Variants in CFAP299 observed in about 807,000 individuals in gnomAD.
CFAP299 encodes the protein cilia- and flagella-associated protein 299.
A neutral mutation model predicts 27.0 loss-of-function variants in CFAP299; 21 were observed. The observed-to-expected ratio is 0.78, with a 90% CI of 0.55 to 1.12. CFAP299 has a LOEUF of 1.12. Among genes scored for constraint, CFAP299 ranks in the 50% most tolerant of loss-of-function variants. The pLI is 0.00. For synonymous variants in CFAP299, 104 were observed against 98.1 expected, an observed-to-expected ratio of 1.06 and a Z score of -0.36; for missense variants, 310 against 276.6, an observed-to-expected ratio of 1.12 and a Z score of -0.86.
chr4:80,367,411 T>G (rs1345870521), intron 2 of CFAP299, among the ~76,000 whole-genome samples: 1 of 152,154 alleles, frequency 6.6e-6, no homozygotes, highest in African/African-American at 2.4e-5. Flanking sequence ...AGTGAACACA[T>G]CCATTTTGCC....
chr4:80,944,848 C>T lies in CFAP299; in HGVS notation c.515C>T (p.Ser172Leu), dbSNP rs1171460387. The stretch of plus-strand genomic sequence containing the variant: ...GACGCTGATATTGCTGTTAGTAATT[C>T]AAGTCCCAACTATCAAGTGATTGCC... ...NWDADIAVSN[S>L]SPNYQVIADN... Residue 172 changes from serine to leucine, a missense_variant, in exon 5 of 6, where the codon TCA (serine) becomes TTA (leucine). Coordinates refer to ENST00000358105, the MANE Select transcript of CFAP299 (RefSeq NM_152770.3). 3.9e-5 allele frequency: 63 copies of T among 1,609,380 alleles called. No homozygotes were observed. The highest frequency in any genetic ancestry group is 3.3e-4 in the Middle Eastern group (2 of 6,072).
chr4:80,672,668 C>T (rs1194690677), intron 3 of CFAP299, among the ~76,000 whole-genome samples: 1 of 152,142 alleles, frequency 6.6e-6, no homozygotes, highest in Admixed American at 6.5e-5. Context: ...TTAATTATTG[C>T]CTCAATTTCA....
intron 2 of CFAP299, among the ~76,000 whole-genome samples, chr4:80,533,957 G>A (rs1174845705): frequency 6.6e-6 from 1 of 151,986 alleles, no homozygotes; most frequent in Non-Finnish European, 1.5e-5. Context: ...CAAATAGTGG[G>A]AATATACATA....
At chr4:80,916,053 G>T (rs1735733643) in intron 4 of CFAP299, among the ~76,000 whole-genome samples, 1 of 151,076 alleles carries the variant, frequency 6.6e-6, no homozygotes, top group Non-Finnish European at 1.5e-5. Context: ...CATGAGGTCA[G>T]GTGTTCAAGA....
At chr4:80,571,296 C>A (rs192487458) in intron 2 of CFAP299, among the ~76,000 whole-genome samples, 8 of 152,022 alleles carry the variant, frequency 5.3e-5, no homozygotes, top group African/African-American at 1.7e-4. Flanking sequence ...ATGCTCTTTG[C>A]GGCAAGTTTC....
chr4:80,662,257 G>C (rs539085047), intron 3 of CFAP299, among the ~76,000 whole-genome samples: 14 of 152,002 alleles, frequency 9.2e-5, no homozygotes, highest in Non-Finnish European at 1.9e-4. Context: ...GGCTCAGGGG[G>C]CATCACAGAA....
the CFAP299 span, among the ~76,000 whole-genome samples, chr4:80,327,701 T>TATATATAACTTCAATAC: frequency 3.3e-5 from 2 of 61,182 alleles, no homozygotes; most frequent in Non-Finnish European, 6.4e-5. Flanking sequence ...TATATATATA[T>TATATATAACTTCAATAC]ATATATATAT....
At chr4:80,807,142 T>G (rs1728904591) in intron 3 of CFAP299, among the ~76,000 whole-genome samples, 1 of 152,156 alleles carries the variant, frequency 6.6e-6, no homozygotes, top group Non-Finnish European at 1.5e-5. Context: ...AATGATTTTT[T>G]TCTTTGAATA....
intron 2 of CFAP299, among the ~76,000 whole-genome samples, chr4:80,496,163 C>T (rs1731429356): frequency 6.6e-6 from 1 of 152,180 alleles, no homozygotes; most frequent in African/African-American, 2.4e-5. Context: ...AAAGCTGTTT[C>T]TTTCTCTACC....
intron 2 of CFAP299, among the ~76,000 whole-genome samples, chr4:80,498,995 C>A (rs1731597317): frequency 6.6e-6 from 1 of 152,062 alleles, no homozygotes; most frequent in South Asian, 2.1e-4. Flanking sequence ...AATGCAGGAA[C>A]AGAAAACAAA....
At chr4:80,656,835 C>G (rs754573402) in intron 3 of CFAP299, among the ~76,000 whole-genome samples, 20 of 152,258 alleles carry the variant, frequency 1.3e-4, no homozygotes, top group Admixed American at 9.8e-4. Flanking sequence ...AATGTACACT[C>G]CCACCAACAG....
At chr4:80,946,097 CAA>C (rs540972506) in intron 5 of CFAP299, among the ~76,000 whole-genome samples, 14 of 99,236 alleles carry the variant, frequency 1.4e-4, no homozygotes, top group East Asian at 2.8e-4. Flanking sequence ...AACTCCGTCT[CAA>C]AAAAAAAAAA....
intron 1 of CFAP299, among the ~76,000 whole-genome samples, chr4:80,351,469 ATAAAG>A (rs1395824143): frequency 6.6e-6 from 1 of 152,122 alleles, no homozygotes; most frequent in Non-Finnish European, 1.5e-5. Flanking sequence ...CTGCTGAAAA[ATAAAG>A]TAGACATATA....
chr4:80,744,140 A>T (rs1427929097), intron 3 of CFAP299, among the ~76,000 whole-genome samples: 1 of 152,216 alleles, frequency 6.6e-6, no homozygotes, highest in Non-Finnish European at 1.5e-5. Context: ...TTTTAAAAAG[A>T]TAAAAGAGAA....
At chr4:80,462,814 C>T (rs768735819) in intron 2 of CFAP299, among the ~76,000 whole-genome samples, 35 of 152,106 alleles carry the variant, frequency 2.3e-4, no homozygotes, top group Non-Finnish European at 4.7e-4. Context: ...AAACTTCTTC[C>T]TCTTTCTAGT....
chr4:80,413,673 G>A (rs955152824), intron 2 of CFAP299, among the ~76,000 whole-genome samples: 1 of 150,762 alleles, frequency 6.6e-6, no homozygotes, highest in Non-Finnish European at 1.5e-5. Context: ...CCTCAAAGTC[G>A]GGAAATAAAG....
intron 3 of CFAP299, among the ~76,000 whole-genome samples, chr4:80,868,562 T>A (rs1001920713): frequency 6.6e-6 from 1 of 152,154 alleles, no homozygotes; most frequent in Non-Finnish European, 1.5e-5. Context: ...CCCCACAAGG[T>A]CATGGAAACC....
chr4:80,853,456 A>G (rs184357373), intron 3 of CFAP299, among the ~76,000 whole-genome samples: 2 of 152,352 alleles, frequency 1.3e-5, no homozygotes, highest in East Asian at 3.9e-4. Context: ...CTTTTGTTAG[A>G]GAGACCAAGG....
At chr4:80,475,397 A>G (rs951579013) in intron 2 of CFAP299, among the ~76,000 whole-genome samples, 15 of 152,204 alleles carry the variant, frequency 9.9e-5, no homozygotes, top group Non-Finnish European at 2.2e-4. Context: ...GGTTTGTGAC[A>G]GGATGAGGAA....
Sources: allele counts gnomAD v4.1 joint callset (sites outside exome capture counted in the v4.1 genomes callset), GRCh38; gene constraint gnomAD v4.1.1; transcripts MANE v1.5; gene names NCBI Gene and HGNC (gene_info 2026-07-23, HGNC 2026-07-21).